The following GPR39 variants were observed in gnomAD, a reference collection of about 807,000 sequenced individuals.
GPR39 encodes zinc sensing receptor.
A neutral mutation model predicts 18.4 loss-of-function variants in GPR39; 23 were observed. That is an observed-to-expected ratio of 1.25 (90% CI 0.90 to 1.77). The LOEUF (loss-of-function observed/expected upper bound fraction) is 1.77. GPR39 is among the 40% of genes most tolerant of loss of function. GPR39 has a pLI of 0.00. For missense variants in GPR39, 647 were observed against 602.4 expected (o/e 1.07, Z -0.78); for synonymous variants, 280 against 257.9 (o/e 1.09, Z -0.82).
At chr2:132,630,863 T>G (rs1056560091) in intron 1 of GPR39, among the ~76,000 whole-genome samples, 2 of 152,078 alleles carry the variant, frequency 1.3e-5, no homozygotes, top group Non-Finnish European at 2.9e-5. Flanking sequence ...TTATTATGAT[T>G]GGGAGTAGTG....
intron 1 of GPR39, among the ~76,000 whole-genome samples, chr2:132,555,517 T>C (rs1358684777): frequency 6.6e-6 from 1 of 152,152 alleles, no homozygotes; most frequent in Non-Finnish European, 1.5e-5. Flanking sequence ...GTCTCTGTTT[T>C]ATTCTGGGTA....
At chr2:132,529,091 G>C (rs918286545) in intron 1 of GPR39, among the ~76,000 whole-genome samples, 1 of 152,136 alleles carries the variant, frequency 6.6e-6, no homozygotes, top group Admixed American at 6.5e-5. Context: ...AGGGGTCAGG[G>C]AATTCCCTTT....
rs566057435 is a variant in GPR39, at chr2:132,493,047, T to C, written c.856+75149T>C. ...ATATATATACCATATATATACCATATATACCATATATACACCATATATATA... is the reference window on the plus strand; with the variant it reads ...ATATATATACCATATATATACCATACATACCATATATACACCATATATATA... On this transcript the variant is annotated intron_variant, in intron 1 of 1. Transcript: ENST00000329321. 2.1e-3 allele frequency among the ~76,000 whole-genome samples: 259 copies of C among 122,210 alleles called. 14 individuals are homozygous for C. Among genetic ancestry groups the C allele is most frequent in the African/African-American group, 7.5e-3 (245 of 32,752 alleles). 80.2% of individuals were successfully genotyped at this position (122,210 alleles called of 152,430 possible).
chr2:132,620,843 C>T lies in GPR39; in HGVS notation c.857-24258C>T, dbSNP rs558513592. 5.1e-4 allele frequency among the ~76,000 whole-genome samples: 77 copies of T among 152,302 alleles called. No homozygotes were observed. The South Asian group carries it at 0.016, about 32-fold the overall frequency. On this transcript the variant is annotated intron_variant, in intron 1 of 1. Coordinates refer to ENST00000329321, the MANE Select transcript of GPR39 (RefSeq NM_001508.3). ...TCTCTACTCACCACAAGCTCCACCT[C>T]CCAGGTTCACGCCATTCTCCTGCCT...
intron 1 of GPR39, among the ~76,000 whole-genome samples, chr2:132,568,291 T>A (rs1172667343): frequency 1.3e-5 from 2 of 152,044 alleles, no homozygotes; most frequent in African/African-American, 2.4e-5. Flanking sequence ...CTTTTCATGG[T>A]CTTGGAGTTG....
At chr2:132,507,510 G>A (rs1679156552) in intron 1 of GPR39, among the ~76,000 whole-genome samples, 1 of 152,136 alleles carries the variant, frequency 6.6e-6, no homozygotes, top group Non-Finnish European at 1.5e-5. Context: ...ATAAGAATTT[G>A]CCCCATTAGG....
chr2:132,417,856 G>A lies in GPR39; in HGVS notation c.814G>A (p.Glu272Lys), dbSNP rs778803979. 1.9e-6 allele frequency: 3 copies of A among 1,609,700 alleles called. No homozygotes were observed. Among genetic ancestry groups the A allele is most frequent in the South Asian group, 1.1e-5 (1 of 90,986 alleles). ...TCCGCAGCTGAGGAAGTCCGAGAGC[G>A]AAGAGAGCAGGACCGCCAGGAGGCA... ...RPPQLRKSES[E>K]ESRTARRQTI... Residue 272 changes from glutamate (E) to lysine (K), a missense_variant, in exon 1 of 2, where the codon GAA becomes AAA. Glu to Lys is a moderately conservative substitution (Grantham distance 56, BLOSUM62 1). Transcript: ENST00000329321.
At chr2:132,579,187 G>C (rs1680583298) in intron 1 of GPR39, among the ~76,000 whole-genome samples, 1 of 150,706 alleles carries the variant, frequency 6.6e-6, no homozygotes, top group East Asian at 1.9e-4. Context: ...AGTACAATCA[G>C]TGTATTTTTA....
chr2:132,481,770 G>C (rs1266369547), intron 1 of GPR39, among the ~76,000 whole-genome samples: 1 of 152,182 alleles, frequency 6.6e-6, no homozygotes. Context: ...CTGAAAATCA[G>C]ATGATCTTGG....
intron 1 of GPR39, among the ~76,000 whole-genome samples, chr2:132,600,840 C>A (rs1193822577): frequency 6.6e-6 from 1 of 151,874 alleles, no homozygotes; most frequent in African/African-American, 2.4e-5. Context: ...TTTTTGTTTA[C>A]ATTGGTGAAT....
At chr2:132,644,366 T>C (rs1437918054) in intron 1 of GPR39, among the ~76,000 whole-genome samples, 1 of 152,260 alleles carries the variant, frequency 6.6e-6, no homozygotes, top group Non-Finnish European at 1.5e-5. Flanking sequence ...AGGGAACATG[T>C]TACTGGCTGA....
intron 1 of GPR39, among the ~76,000 whole-genome samples, chr2:132,501,776 A>G (rs1010043261): frequency 2.0e-5 from 3 of 152,102 alleles, no homozygotes; most frequent in African/African-American, 2.4e-5. Context: ...GTGCATATGT[A>G]TTTAGAATTG....
chr2:132,528,188 T>G (rs1679546879), intron 1 of GPR39, among the ~76,000 whole-genome samples: 2 of 152,220 alleles, frequency 1.3e-5, no homozygotes. Flanking sequence ...AAATGGGGAA[T>G]CCTTTCTCCA....
At chr2:132,585,949 T>TTTTTTC (rs1491440492) in intron 1 of GPR39, among the ~76,000 whole-genome samples, 1 of 8,892 alleles carries the variant, frequency 1.1e-4, no homozygotes, top group African/African-American at 4.3e-4. Context: ...GCATCCCCGG[T>TTTTTTC]TTTTTTTTTT....
rs776753625 is a variant in GPR39, at chr2:132,645,377, C to A, written c.1133C>A (p.Ala378Glu). 6.2e-7 allele frequency: 1 copy of A among 1,613,756 alleles called. No homozygotes were observed. The highest frequency in any genetic ancestry group is 2.2e-5 in the East Asian group (1 of 44,874). ...ANHEKRLRVH[A>E]HSTTDSARFV... is the part of the protein sequence containing the mutation. Reference sequence around the variant, plus strand: ...CACGAGAAGCGCCTGCGCGTACATGCGCACTCCACCACCGACAGCGCCCGC... The same window carrying A: ...CACGAGAAGCGCCTGCGCGTACATGAGCACTCCACCACCGACAGCGCCCGC... Residue 378 changes from alanine (A) to glutamate (E), a missense_variant, in exon 2 of 2, where the codon GCG (alanine) becomes GAG (glutamate). Physicochemically the swap from Ala to Glu is moderately radical, Grantham distance 107. Around this residue, in one of 3 missense-constraint regions of GPR39, gnomAD observed 581 missense variants for 506.8 expected, o/e 1.15. Coordinates refer to ENST00000329321, the MANE Select transcript of GPR39 (RefSeq NM_001508.3).
At position 132,577,493 on chromosome 2, in the gene GPR39, C is replaced by G. The variant is rs72983679; in HGVS notation, c.857-67608C>G. On this transcript the variant is annotated intron_variant, in intron 1 of 1. Transcript: ENST00000329321. ...ATATCAATTTGAGGAGAATTGACAG[C>G]TGTACTATATTGAGTCTTATAATTT... Among the ~76,000 whole-genome samples the G allele has an allele frequency of 6.1e-4, 90 of 146,918 alleles. 1 individual carries two copies. Among genetic ancestry groups the G allele is most frequent in the African/African-American group, 2.4e-3 (89 of 36,424 alleles).
intron 1 of GPR39, among the ~76,000 whole-genome samples, chr2:132,433,487 T>C (rs1680259088): frequency 6.6e-6 from 1 of 151,986 alleles, no homozygotes; most frequent in Non-Finnish European, 1.5e-5. Context: ...TCATGTTTAG[T>C]GCAAATACCA....
chr2:132,535,384 T>C (rs554494911), intron 1 of GPR39, among the ~76,000 whole-genome samples: 1 of 152,336 alleles, frequency 6.6e-6, no homozygotes, highest in South Asian at 2.1e-4. Flanking sequence ...TTTGTGTATG[T>C]TGAACCAGCC....
intron 1 of GPR39, among the ~76,000 whole-genome samples, chr2:132,525,439 A>G (rs772874137): frequency 6.6e-6 from 1 of 152,194 alleles, no homozygotes; most frequent in Non-Finnish European, 1.5e-5. Context: ...ATGTTTGCTA[A>G]TGCTCCCTGA....
Sources: gnomAD v4.1 joint callset for allele counts (sites outside exome capture counted in the v4.1 genomes callset) on GRCh38, gnomAD v4.1.1 for gene constraint, gnomAD v4.1.1 regional missense constraint, MANE v1.5 for transcripts, NCBI Gene and HGNC (gene_info 2026-07-23, HGNC 2026-07-21) for gene names.